The following IQUB variants were observed in gnomAD, a reference collection of about 807,000 sequenced individuals.
IQUB encodes the protein IQ motif and ubiquitin domain containing.
Under a neutral mutation model 86.4 loss-of-function variants are expected in IQUB, and 86 were observed. The observed-to-expected ratio is 1.00, with a 90% confidence interval of 0.84 to 1.19. The LOEUF (loss-of-function observed/expected upper bound fraction) is 1.19. IQUB is among the 50% of genes most tolerant of loss of function. IQUB has a pLI of 0.00. For missense variants in IQUB, 946 were observed against 916.9 expected (o/e 1.03, Z -0.41); for synonymous variants, 289 against 304.5 (o/e 0.95, Z 0.53).
intron 1 of IQUB, among the ~76,000 whole-genome samples, chr7:123,520,045 CTA>C (rs1796832494): frequency 6.6e-6 from 1 of 151,754 alleles, no homozygotes; most frequent in African/African-American, 2.4e-5. Context: ...AGAGACACTT[CTA>C]TGTTTCTACA....
At chr7:123,477,959 G>A (rs1156919531) in intron 8 of IQUB, among the ~76,000 whole-genome samples, 1 of 152,206 alleles carries the variant, frequency 6.6e-6, no homozygotes, top group Non-Finnish European at 1.5e-5. Flanking sequence ...TGGAGAGGAT[G>A]TGGAGAAATA....
chr7:123,523,822 T>C (rs1026199701), intron 1 of IQUB, among the ~76,000 whole-genome samples: 1 of 152,242 alleles, frequency 6.6e-6, no homozygotes, highest in South Asian at 2.1e-4. Flanking sequence ...TCTTGTAGGG[T>C]TTTTATGGTT....
chr7:123,503,209 G>C lies in IQUB; in HGVS notation c.687C>G (p.Val229=), dbSNP rs1175579428. Residue 229 remains valine, a synonymous_variant, in exon 4 of 13, where the codon GTC becomes GTG. Coordinates refer to ENST00000324698, the MANE Select transcript of IQUB (RefSeq NM_178827.5). ...AGACATCAAATAACGAACCAGTTTG[G>C]ACAGTGACAGTTATGATTTGAGAGA... ...TDVSQIITVT[V]QTGLDQYQQV... 2.5e-6 allele frequency: 4 copies of C among 1,611,230 alleles called. No individual in the cohort carries two copies. Among genetic ancestry groups the C allele is most frequent in the Non-Finnish European group, 3.4e-6 (4 of 1,178,828 alleles).
At chr7:123,509,202 T>C (rs375680770) in intron 3 of IQUB, among the ~76,000 whole-genome samples, 1 of 152,202 alleles carries the variant, frequency 6.6e-6, no homozygotes, top group South Asian at 2.1e-4. Context: ...TATTTAGGTA[T>C]GTTAGTCTGA....
chr7:123,518,980 C>A (rs904170988), intron 1 of IQUB, among the ~76,000 whole-genome samples: 2 of 148,750 alleles, frequency 1.3e-5, no homozygotes, highest in African/African-American at 5.0e-5. Flanking sequence ...CAAATACCCC[C>A]TAATTTATTT....
intron 7 of IQUB, among the ~76,000 whole-genome samples, chr7:123,480,223 C>T (rs1479215441): frequency 2.6e-5 from 4 of 152,112 alleles, no homozygotes; most frequent in East Asian, 1.9e-4. Flanking sequence ...TCCAAGTGAG[C>T]ATTCATACTG....
chr7:123,523,515 C>G (rs1385739908), intron 1 of IQUB, among the ~76,000 whole-genome samples: 2 of 152,156 alleles, frequency 1.3e-5, no homozygotes, highest in African/African-American at 4.8e-5. Context: ...TGAGAAGTGT[C>G]TGTTCATCTC....
intron 11 of IQUB, chr7:123,457,978 A>AT (rs879583961): frequency 5.5e-3 from 866 of 157,222 alleles, no homozygotes; most frequent in South Asian, 0.016. Flanking sequence ...GGAAGCTGAG[A>AT]TTTTTTTTTT....
intron 1 of IQUB, among the ~76,000 whole-genome samples, chr7:123,519,849 A>G (rs1373865586): frequency 6.6e-6 from 1 of 152,246 alleles, no homozygotes; most frequent in Admixed American, 6.5e-5. Context: ...TAATTACCTT[A>G]ATTTGATTAT....
At chr7:123,457,248 T>A in intron 12 of IQUB, 133 bp downstream of exon 12, 15 of 1,425,782 alleles carry the variant, frequency 1.1e-5, no homozygotes, top group Non-Finnish European at 1.4e-5. Flanking sequence ...AATTTTTTTG[T>A]TGTTAATCCA....
chr7:123,503,445 CAAAT>C (rs1796041686), intron 3 of IQUB, 82 bp from the exon 4 acceptor site: 8 of 763,958 alleles, frequency 1.0e-5, no homozygotes, highest in East Asian at 2.7e-5. Context: ...TTTTAATTGA[CAAAT>C]AAAAATTGTA....
Position 123,503,355 on chromosome 7 carries a change from G to T in IQUB, c.541C>A (p.Leu181Ile), listed in dbSNP as rs1045717722. 6.7e-7 allele frequency: 1 copy of T among 1,486,070 alleles called. No individual in the cohort carries two copies. Among genetic ancestry groups the T allele is most frequent in the Non-Finnish European group, 9.1e-7 (1 of 1,102,298 alleles). The allele number at this position is 1,486,070 out of a possible 1,614,324, so 92.1% of individuals were successfully genotyped here. Residue 181 changes from leucine to isoleucine, a missense_variant, in exon 4 of 13, where the codon CTT (leucine) becomes ATT (isoleucine). Physicochemically the swap from Leu to Ile is conservative, Grantham distance 5 (BLOSUM62 2). Transcript: ENST00000324698. ...VLQIRYSGKI[L>I]KNNETLVQHG... ...TGTACTAGAGTCTCATTATTTTTAA[G>T]AATTTTTCCTAAAAATTGAAATAAA...
At position 123,502,605 on chromosome 7, in the gene IQUB, G is replaced by T. The variant is rs1795992816; in HGVS notation, c.1015C>A (p.Leu339Ile). ...FSAAEYHAQR[L>I]KAVIVIQTYY... ...AATAAAAGTTATCTCACCGCCTTTA[G>T]TCTTTGAGCATGGTATTCTGCTGCT... The change falls in exon 6 of 13, where the codon CTA becomes ATA. Residue 339 changes from leucine (L) to isoleucine (I), a missense_variant. By Grantham distance (5) the Leu-to-Ile change is conservative (BLOSUM62 2). Coordinates refer to ENST00000324698, the MANE Select transcript of IQUB (RefSeq NM_178827.5). 1 of 1,610,232 alleles carries T rather than the reference G, an allele frequency of 6.2e-7. No individual in the cohort carries two copies. Among genetic ancestry groups the T allele is most frequent in the Admixed American group, 1.7e-5 (1 of 59,140 alleles).
chr7:123,478,924 A>G (rs1794872124), intron 8 of IQUB, among the ~76,000 whole-genome samples: 1 of 152,142 alleles, frequency 6.6e-6, no homozygotes, highest in Non-Finnish European at 1.5e-5. Context: ...TATATGATGT[A>G]GAAGCTCCTT....
chr7:123,477,784 T>C (rs927286657), intron 8 of IQUB, among the ~76,000 whole-genome samples: 1 of 152,118 alleles, frequency 6.6e-6, no homozygotes, highest in Non-Finnish European at 1.5e-5. Context: ...GGGCATAGGA[T>C]ATGAAGAGAC....
intron 6 of IQUB, among the ~76,000 whole-genome samples, chr7:123,498,073 G>GAA (rs112182877): frequency 7.1e-6 from 1 of 141,156 alleles, no homozygotes; most frequent in East Asian, 2.0e-4. Context: ...CACCCAGGAT[G>GAA]AAAAAAAAAA....
intron 2 of IQUB, among the ~76,000 whole-genome samples, chr7:123,510,647 CTG>C (rs756188869): frequency 1.3e-5 from 2 of 151,986 alleles, no homozygotes; most frequent in African/African-American, 2.4e-5. Context: ...AGAATAAAGA[CTG>C]TGGATCAAAA....
At chr7:123,505,780 C>T (rs10229868) in intron 3 of IQUB, among the ~76,000 whole-genome samples, 36,900 of 152,118 alleles carry the variant, frequency 0.24, 4,905 homozygotes, top group East Asian at 0.33. Context: ...TGGCCATTAA[C>T]ATTTGGCTCC....
intron 7 of IQUB, among the ~76,000 whole-genome samples, chr7:123,487,414 A>T (rs1795256839): frequency 6.6e-6 from 1 of 152,136 alleles, no homozygotes; most frequent in Non-Finnish European, 1.5e-5. Context: ...AAGAACTCAC[A>T]CTCCTTAGAA....
Sources: gnomAD v4.1 joint callset for allele counts (sites outside exome capture counted in the v4.1 genomes callset) on GRCh38, gnomAD v4.1.1 for gene constraint, MANE v1.5 for transcripts, NCBI Gene and HGNC (gene_info 2026-07-23, HGNC 2026-07-21) for gene names.